ZNF90: variants seen among roughly 807,000 people sequenced by gnomAD.
ZNF90 encodes zinc finger protein 90, also known as zinc finger protein HTF9.
Under a neutral mutation model 12.0 loss-of-function variants are expected in ZNF90, and 11 were observed. That is an observed-to-expected ratio of 0.92 (90% confidence interval 0.58 to 1.52). The LOEUF is 1.52. Ranked by LOEUF, ZNF90 falls within the 40% of genes most tolerant of loss-of-function variation. ZNF90 has a pLI of 0.00. For missense variants in ZNF90, 765 were observed against 711.5 expected (o/e 1.08, Z -0.86); for synonymous variants, 232 against 240.1 (o/e 0.97, Z 0.31).
chr19:20,107,517 T>C (rs1555704597), intron 3 of ZNF90, among the ~76,000 whole-genome samples: 2 of 152,188 alleles, frequency 1.3e-5, no homozygotes, highest in Non-Finnish European at 2.9e-5. Flanking sequence ...TGCTGCATAA[T>C]GCATGCAGGT....
At chr19:20,112,627 T>C (rs937788694) in intron 3 of ZNF90, among the ~76,000 whole-genome samples, 1 of 152,166 alleles carries the variant, frequency 6.6e-6, no homozygotes, top group African/African-American at 2.4e-5. Flanking sequence ...CAACCTCTTG[T>C]AGTACATCTT....
chr19:20,090,229 A>G (rs1363304682), intron 1 of ZNF90, among the ~76,000 whole-genome samples: 3 of 152,172 alleles, frequency 2.0e-5, no homozygotes, highest in African/African-American at 7.2e-5. Context: ...AGGGATGACT[A>G]GTTTTTGGGG....
chr19:20,078,346 T>C (rs944247941), intron 1 of ZNF90, among the ~76,000 whole-genome samples: 6 of 152,100 alleles, frequency 3.9e-5, no homozygotes, highest in African/African-American at 1.2e-4. Context: ...TTCCCTGCCC[T>C]GGCCTGGAGC....
At chr19:20,111,081 A>T (rs1257360773) in intron 3 of ZNF90, among the ~76,000 whole-genome samples, 1 of 152,212 alleles carries the variant, frequency 6.6e-6, no homozygotes, top group Non-Finnish European at 1.5e-5. Context: ...TTATCTAAGA[A>T]AATGGTGCCA....
chr19:20,094,900 A>C (rs946538349), intron 1 of ZNF90, among the ~76,000 whole-genome samples: 9 of 152,192 alleles, frequency 5.9e-5, no homozygotes, highest in Non-Finnish European at 1.2e-4. Flanking sequence ...CCACCTCTCT[A>C]AGAGGAAATT....
At chr19:20,106,076 GTT>G (rs2089035000) in intron 3 of ZNF90, among the ~76,000 whole-genome samples, 1 of 68,564 alleles carries the variant, frequency 1.5e-5, no homozygotes. Flanking sequence ...TTGGTAAAGA[GTT>G]TTTACCTCCA....
At chr19:20,109,592 C>G (rs1191923223) in intron 3 of ZNF90, among the ~76,000 whole-genome samples, 1 of 151,826 alleles carries the variant, frequency 6.6e-6, no homozygotes, top group Non-Finnish European at 1.5e-5. Flanking sequence ...ATCACAGGGT[C>G]AGGCATGGTT....
At chr19:20,097,142 T>C (rs536280921) in intron 1 of ZNF90, among the ~76,000 whole-genome samples, 3 of 152,366 alleles carry the variant, frequency 2.0e-5, no homozygotes, top group Admixed American at 2.0e-4. Context: ...CTATGATGCA[T>C]GTCACACTTA....
chr19:20,093,522 C>T (rs797039625), intron 1 of ZNF90, among the ~76,000 whole-genome samples: 6 of 151,968 alleles, frequency 3.9e-5, no homozygotes, highest in African/African-American at 7.2e-5. Context: ...GGGAGAAGGG[C>T]GGCAATGAGA....
rs782492957 is a variant in ZNF90 at position 20,118,546 on chromosome 19, A to AT, written c.993dup (p.Lys332Ter). The AT allele has an allele frequency of 1.8e-5, 29 of 1,613,610 alleles. No homozygotes were observed. The highest frequency in any genetic ancestry group is 1.6e-4 in the Middle Eastern group (1 of 6,082). On this transcript the variant is annotated frameshift_variant, in exon 4 of 4. Coordinates refer to ENST00000418063, the MANE Select transcript of ZNF90 (RefSeq NM_007138.2). LOFTEE classifies it low-confidence loss of function (END_TRUNC). ...AAGCTCTCCTCAATCCTTAGTACACATAAGAGAATCCATACTGGAGAGAAA... is the reference window on the plus strand; with the variant it reads ...AAGCTCTCCTCAATCCTTAGTACACATTAAGAGAATCCATACTGGAGAGAAA...
intron 3 of ZNF90, among the ~76,000 whole-genome samples, chr19:20,106,044 C>CATTG (rs1555704366): frequency 4.4e-4 from 31 of 71,062 alleles, no homozygotes; most frequent in African/African-American, 1.6e-3. Context: ...CTAATTTTTT[C>CATTG]TTTTTTTTTT....
At chr19:20,095,995 C>T (rs1458532763) in intron 1 of ZNF90, among the ~76,000 whole-genome samples, 1 of 152,164 alleles carries the variant, frequency 6.6e-6, no homozygotes, top group Non-Finnish European at 1.5e-5. Flanking sequence ...GGGAAGGCTG[C>T]CTTCCCAGTC....
chr19:20,080,484 T>C (rs2088812157), intron 1 of ZNF90: 2 of 278,454 alleles, frequency 7.2e-6, no homozygotes, highest in Non-Finnish European at 1.5e-5. Flanking sequence ...GTGGTAGGGC[T>C]TTCTCTTGCC....
At chr19:20,109,728 A>G (rs1165974421) in intron 3 of ZNF90, among the ~76,000 whole-genome samples, 2 of 151,942 alleles carry the variant, frequency 1.3e-5, no homozygotes, top group Non-Finnish European at 2.9e-5. Flanking sequence ...AAAAATTAAT[A>G]ATAGCCAGGC....
intron 1 of ZNF90, among the ~76,000 whole-genome samples, chr19:20,092,086 G>C (rs1443883775): frequency 3.3e-5 from 5 of 152,158 alleles, no homozygotes; most frequent in Admixed American, 1.3e-4. Flanking sequence ...AGTCATGAGG[G>C]TCAGGTGTGG....
intron 3 of ZNF90, among the ~76,000 whole-genome samples, chr19:20,109,854 T>C (rs1369220165): frequency 6.6e-6 from 1 of 151,790 alleles, no homozygotes; most frequent in African/African-American, 2.4e-5. Flanking sequence ...AAAAAAAAGC[T>C]GTTTATTTCA....
chr19:20,116,519 C>T (rs925475729), intron 3 of ZNF90, among the ~76,000 whole-genome samples: 1 of 152,074 alleles, frequency 6.6e-6, no homozygotes, highest in Non-Finnish European at 1.5e-5. Context: ...TTTATAGTTG[C>T]TTTTGAAATG....
At chr19:20,104,484 C>T in intron 2 of ZNF90, 119 bp downstream of exon 2, 1 of 1,172,152 alleles carries the variant, frequency 8.5e-7, no homozygotes, top group Non-Finnish European at 1.1e-6. Flanking sequence ...TCCCCCTTTT[C>T]CTGAAAATCT....
intron 1 of ZNF90, among the ~76,000 whole-genome samples, chr19:20,103,569 G>C (rs2089006849): frequency 6.6e-6 from 1 of 152,198 alleles, no homozygotes; most frequent in South Asian, 2.1e-4. Context: ...ATTATTTTAA[G>C]TATCTTTGTG....
Sources: gnomAD v4.1 joint callset for allele counts (sites outside exome capture counted in the v4.1 genomes callset) on GRCh38, gnomAD v4.1.1 for gene constraint, MANE v1.5 for transcripts, NCBI Gene and HGNC (gene_info 2026-07-23, HGNC 2026-07-21) for gene names.